CCSER1: variants seen among roughly 807,000 people sequenced by gnomAD.
CCSER1 encodes the protein serine-rich coiled-coil domain-containing protein 1.
Under a neutral mutation model 82.0 loss-of-function variants are expected in CCSER1, and 41 were observed. The ratio of observed to expected loss-of-function variants is 0.50; its 90% CI spans 0.39 to 0.65. The LOEUF is 0.65. Ranked by LOEUF, CCSER1 falls within the 30% of genes least tolerant of loss-of-function variation. The pLI is 0.00. For synonymous variants in CCSER1, 414 were observed against 383.9 expected (o/e 1.08, Z -0.92); for missense variants, 1,119 against 1,064.2 (o/e 1.05, Z -0.72).
intron 6 of CCSER1, among the ~76,000 whole-genome samples, chr4:90,688,138 G>A (rs1257766971): frequency 6.6e-6 from 1 of 152,166 alleles, no homozygotes. Context: ...CAACTCTGGA[G>A]TCTACCTAGG....
intron 10 of CCSER1, among the ~76,000 whole-genome samples, chr4:91,277,441 T>TTTG (rs1217091827): frequency 6.6e-6 from 1 of 151,898 alleles, no homozygotes; most frequent in Non-Finnish European, 1.5e-5. Flanking sequence ...ATTTATCCAT[T>TTTG]TTGTTTAAGT....
rs963345903 is a variant in CCSER1 at position 91,600,312 on chromosome 4, A to C, written c.*1255A>C. 7 of 152,174 alleles carry C rather than the reference A, an allele frequency of 4.6e-5. No homozygotes were observed. Among genetic ancestry groups the C allele is most frequent in the African/African-American group, 1.7e-4 (7 of 41,456 alleles). The allele number at this position is 152,174 out of a possible 1,614,324, so 9.4% of individuals were successfully genotyped here. A position where few individuals can be genotyped will look rare whatever the true frequency, so the allele number is the denominator to read the frequency against. On this transcript the variant is annotated 3_prime_UTR_variant, in exon 11 of 11. Coordinates refer to ENST00000509176, the MANE Select transcript of CCSER1 (RefSeq NM_001145065.2). ...CATCATGTTCAATTAGTAGCAGAGC[A>C]GAATCAAAGAGTACAATTGAATACA... is the stretch of plus-strand genomic sequence containing the variant.
chr4:90,131,517 A>G (rs989737856), intron 1 of CCSER1, among the ~76,000 whole-genome samples: 1 of 152,162 alleles, frequency 6.6e-6, no homozygotes, highest in Non-Finnish European at 1.5e-5. Context: ...GTGTAAAAGA[A>G]TAACAGTATT....
intron 10 of CCSER1, among the ~76,000 whole-genome samples, chr4:91,142,157 T>C (rs1409851447): frequency 1.3e-5 from 2 of 152,100 alleles, no homozygotes; most frequent in African/African-American, 4.8e-5. Context: ...GTGGAGATAA[T>C]TGAATCATGG....
chr4:90,698,510 T>A (rs561751833), intron 6 of CCSER1, among the ~76,000 whole-genome samples: 1 of 152,138 alleles, frequency 6.6e-6, no homozygotes, highest in Admixed American at 6.6e-5. Context: ...CATTCCCCAT[T>A]TACAAATTGA....
At chr4:91,280,546 C>A (rs1031310009) in intron 10 of CCSER1, among the ~76,000 whole-genome samples, 1 of 152,130 alleles carries the variant, frequency 6.6e-6, no homozygotes, top group Admixed American at 6.5e-5. Flanking sequence ...ACAGGGCGAT[C>A]CCCAGAACCC....
chr4:90,818,248 A>G (rs368357476), intron 8 of CCSER1, among the ~76,000 whole-genome samples: 16 of 150,056 alleles, frequency 1.1e-4, no homozygotes, highest in Non-Finnish European at 2.2e-4. Flanking sequence ...TGGGTCTAGA[A>G]AAAAAGAAAT....
chr4:90,322,723 G>T (rs1737389612), intron 3 of CCSER1, among the ~76,000 whole-genome samples: 1 of 152,108 alleles, frequency 6.6e-6, no homozygotes, highest in South Asian at 2.1e-4. Context: ...TGTTGTAAAT[G>T]GTAATGCTTA....
intron 10 of CCSER1, among the ~76,000 whole-genome samples, chr4:91,355,735 T>C (rs1748783046): frequency 6.6e-6 from 1 of 152,288 alleles, no homozygotes; most frequent in African/African-American, 2.4e-5. Flanking sequence ...GGGCTTGTCA[T>C]CTTCTTTAGA....
chr4:91,300,398 T>C (rs1744575672), intron 10 of CCSER1, among the ~76,000 whole-genome samples: 1 of 151,846 alleles, frequency 6.6e-6, no homozygotes, highest in Non-Finnish European at 1.5e-5. Flanking sequence ...AAAAGTAATG[T>C]GTGTTCATGG....
intron 3 of CCSER1, among the ~76,000 whole-genome samples, chr4:90,357,569 AT>A (rs1488900737): frequency 6.6e-6 from 1 of 152,000 alleles, no homozygotes; most frequent in African/African-American, 2.4e-5. Context: ...AATTTTTAAA[AT>A]TCATGACTCT....
chr4:90,477,943 G>A lies in CCSER1; in HGVS notation c.1724+9589G>A, dbSNP rs540534435. On this transcript the variant is annotated intron_variant, in intron 5 of 10. Transcript: ENST00000509176. Reference sequence around the variant, plus strand: ...TAATTAATATTGAAAATATCACAGGGAATTAAAACAGCAATTTTGTCATCA... The same window carrying A: ...TAATTAATATTGAAAATATCACAGGAAATTAAAACAGCAATTTTGTCATCA... Among the ~76,000 whole-genome samples, 28 of 151,984 alleles carry A rather than the reference G, an allele frequency of 1.8e-4. No homozygotes were observed. In the East Asian group the frequency reaches 3.3e-3, roughly 18 times the overall value.
At chr4:90,310,146 C>T (rs942628865) in intron 2 of CCSER1, among the ~76,000 whole-genome samples, 2 of 151,966 alleles carry the variant, frequency 1.3e-5, no homozygotes, top group Non-Finnish European at 2.9e-5. Flanking sequence ...GATACAATAA[C>T]AGAATTGTAA....
chr4:90,907,513 TTCA>T (rs956598364), intron 8 of CCSER1, among the ~76,000 whole-genome samples: 44 of 152,118 alleles, frequency 2.9e-4, no homozygotes, highest in African/African-American at 9.2e-4. Context: ...TTCATTAATT[TTCA>T]TCATTAATTG....
chr4:91,115,379 T>C (rs1346353063), intron 10 of CCSER1, among the ~76,000 whole-genome samples: 1 of 152,112 alleles, frequency 6.6e-6, no homozygotes, highest in Non-Finnish European at 1.5e-5. Context: ...CAGGCTGGAG[T>C]GCAGTGGCCT....
chr4:90,803,821 CCCA>C (rs1198972315), intron 7 of CCSER1, among the ~76,000 whole-genome samples: 2 of 152,192 alleles, frequency 1.3e-5, no homozygotes, highest in African/African-American at 4.8e-5. Context: ...AATTTACACT[CCCA>C]CCAACAGTGT....
intron 10 of CCSER1, among the ~76,000 whole-genome samples, chr4:91,212,496 T>A (rs1736901257): frequency 6.6e-6 from 1 of 152,044 alleles, no homozygotes; most frequent in Admixed American, 6.6e-5. Context: ...ACTACTGATA[T>A]GTCAGCAGGA....
At chr4:90,166,848 G>T (rs932314410) in intron 1 of CCSER1, among the ~76,000 whole-genome samples, 5 of 151,974 alleles carry the variant, frequency 3.3e-5, no homozygotes, top group Non-Finnish European at 5.9e-5. Context: ...TACATAGGTT[G>T]TGTAATTAAT....
In CCSER1 at chr4:90,604,661, A is replaced by G. The variant is rs1222815520; in HGVS notation, c.1725-23364A>G. ...TCAGGTGGGGTCTTGGAGAACTTTTATGTCTAGCTAAAGGTTTGTAAATGC... is the reference window on the plus strand; with the variant it reads ...TCAGGTGGGGTCTTGGAGAACTTTTGTGTCTAGCTAAAGGTTTGTAAATGC... On this transcript the variant is annotated intron_variant, in intron 5 of 10. Transcript: ENST00000509176. Among the ~76,000 whole-genome samples the G allele has an allele frequency of 3.3e-5, 5 of 152,036 alleles. No individual in the cohort carries two copies. In the East Asian group the frequency reaches 9.6e-4, roughly 29 times the overall value.
Sources: gnomAD v4.1 joint callset for allele counts (sites outside exome capture counted in the v4.1 genomes callset) on GRCh38, gnomAD v4.1.1 for gene constraint, MANE v1.5 for transcripts, NCBI Gene and HGNC (gene_info 2026-07-23, HGNC 2026-07-21) for gene names.